The following ANO10 variants were observed in gnomAD, a reference collection of about 807,000 sequenced individuals.
The protein encoded by ANO10 is anoctamin-10.
ANO10 carries 77 observed loss-of-function variants against 74.7 expected under a neutral mutation model. The observed-to-expected ratio is 1.03, with a 90% CI of 0.86 to 1.25. ANO10 has a LOEUF of 1.25. Among genes scored for constraint, ANO10 ranks in the 50% most tolerant of loss-of-function variants. The pLI, the probability that ANO10 is intolerant of heterozygous loss-of-function variation, is 0.00. For synonymous variants in ANO10, 279 were observed against 284.9 expected, an observed-to-expected ratio of 0.98 and a Z score of 0.21; for missense variants, 721 against 778.1, an observed-to-expected ratio of 0.93 and a Z score of 0.87.
Position 43,636,405 on chromosome 3 carries a change from A to G in ANO10, c.-11-30542T>C, listed in dbSNP as rs188018218. On this transcript the variant is annotated intron_variant, in intron 1 of 3. Coordinates refer to the ANO10 transcript ENST00000413397. ...GGAGATGCACACACTGGCAGTTGAC[A>G]TCAGGTTAGCTGGAGAGTCCAGGGA... 6 of 152,384 alleles carry G rather than the reference A, an allele frequency of 3.9e-5. No individual in the cohort carries two copies. The East Asian group carries it at 1.2e-3, about 29-fold the overall frequency. 9.4% of individuals were successfully genotyped at this position (152,384 alleles called of 1,614,324 possible).
At chr3:43,532,975 G>A (rs1336646911) in intron 11 of ANO10, among the ~76,000 whole-genome samples, 1 of 152,150 alleles carries the variant, frequency 6.6e-6, no homozygotes, top group East Asian at 1.9e-4. Context: ...CTGTCTTTGT[G>A]TCCTCTATGG....
intron 11 of ANO10, among the ~76,000 whole-genome samples, chr3:43,478,484 C>CT (rs1169706582): frequency 6.6e-6 from 1 of 152,212 alleles, no homozygotes; most frequent in Non-Finnish European, 1.5e-5. Flanking sequence ...TCTTAGCTGT[C>CT]TGACTCCAGG....
intron 11 of ANO10, among the ~76,000 whole-genome samples, chr3:43,497,361 T>C (rs1382936285): frequency 6.6e-6 from 1 of 152,208 alleles, no homozygotes; most frequent in Admixed American, 6.5e-5. Flanking sequence ...CAAAGAAAAG[T>C]ATCCCCTAGT....
At chr3:43,653,607 T>C (rs2083813161) in intron 1 of ANO10, among the ~76,000 whole-genome samples, 3 of 152,248 alleles carry the variant, frequency 2.0e-5, no homozygotes, top group African/African-American at 7.2e-5. Context: ...CAAAAGAATG[T>C]GTACAAGGTT....
intron 4 of ANO10, among the ~76,000 whole-genome samples, chr3:43,585,561 A>T (rs990764122): frequency 2.0e-5 from 3 of 152,168 alleles, no homozygotes; most frequent in Non-Finnish European, 2.9e-5. Flanking sequence ...CCATTATCCC[A>T]TCTGATCAAA....
chr3:43,658,508 T>C (rs2083883285), intron 1 of ANO10, among the ~76,000 whole-genome samples: 1 of 152,028 alleles, frequency 6.6e-6, no homozygotes. Flanking sequence ...CTCGCACTGT[T>C]GCCCGGGCTG....
At chr3:43,666,714 T>G (rs2083996999) in intron 1 of ANO10, among the ~76,000 whole-genome samples, 1 of 152,118 alleles carries the variant, frequency 6.6e-6, no homozygotes, top group Non-Finnish European at 1.5e-5. Context: ...GGCTGAGAAG[T>G]CTAAGATCAG....
At chr3:43,638,498 A>G (rs2149562452) in intron 1 of ANO10, among the ~76,000 whole-genome samples, 1 of 152,354 alleles carries the variant, frequency 6.6e-6, no homozygotes. Context: ...TGGGATATAG[A>G]TGGGATATTG....
chr3:43,660,213 GC>G (rs1378273229), intron 1 of ANO10, among the ~76,000 whole-genome samples: 1 of 152,056 alleles, frequency 6.6e-6, no homozygotes, highest in Non-Finnish European at 1.5e-5. Context: ...ACAACTCCTC[GC>G]CAGCAAGAGA....
At chr3:43,387,608 G>A (rs573388711) in intron 12 of ANO10, among the ~76,000 whole-genome samples, 3 of 152,082 alleles carry the variant, frequency 2.0e-5, no homozygotes, top group East Asian at 1.9e-4. Context: ...GAAGAGAGAC[G>A]GCAGCTTCTG....
At chr3:43,426,984 C>G (rs1314786131) in intron 12 of ANO10, among the ~76,000 whole-genome samples, 1 of 152,100 alleles carries the variant, frequency 6.6e-6, no homozygotes, top group East Asian at 1.9e-4. Context: ...ACCACCACTC[C>G]TCCTGTCACA....
intron 1 of ANO10, among the ~76,000 whole-genome samples, chr3:43,670,982 A>G (rs1361225848): frequency 6.6e-6 from 1 of 152,200 alleles, no homozygotes; most frequent in Non-Finnish European, 1.5e-5. Context: ...GATATACTCA[A>G]GCAAAGAAAC....
At chr3:43,433,446 C>T (rs1414684363) in intron 11 of ANO10, among the ~76,000 whole-genome samples, 3 of 152,130 alleles carry the variant, frequency 2.0e-5, no homozygotes, top group Non-Finnish European at 4.4e-5. Flanking sequence ...TTACATGAAA[C>T]GTACATGTAT....
At chr3:43,552,640 C>T (rs1259444804) in intron 10 of ANO10, among the ~76,000 whole-genome samples, 2 of 149,046 alleles carry the variant, frequency 1.3e-5, no homozygotes, top group African/African-American at 2.5e-5. Context: ...TCTCTTAGTT[C>T]GCCTGCATCT....
chr3:43,555,424 C>A lies in ANO10; in HGVS notation c.1522G>T (p.Val508Leu), dbSNP rs1294787628. 5.0e-6 allele frequency: 8 copies of A among 1,614,156 alleles called. No homozygotes were observed. Among genetic ancestry groups the A allele is most frequent in the Non-Finnish European group, 6.8e-6 (8 of 1,180,022 alleles). The change falls in exon 10 of 13, where the codon GTG becomes TTG. Residue 508 changes from valine (V) to leucine (L), a missense_variant. Physicochemically the swap from Val to Leu is conservative, Grantham distance 32. Transcript: ENST00000292246. ...GGGTAAACACAGGAGAAAAGGCTCACATAACCAAACTGCAGGAATAACTCC... is the reference window on the plus strand; with the variant it reads ...GGGTAAACACAGGAGAAAAGGCTCAAATAACCAAACTGCAGGAATAACTCC... ...YLELFLQFGY[V>L]SLFSCVYPLA...
chr3:43,542,314 A>G (rs541295622), intron 11 of ANO10, among the ~76,000 whole-genome samples: 1 of 152,312 alleles, frequency 6.6e-6, no homozygotes, highest in African/African-American at 2.4e-5. Context: ...AGGGAGGGCT[A>G]GGCTGAGGCG....
At chr3:43,367,819 G>T (rs1329814286) in intron 12 of ANO10, among the ~76,000 whole-genome samples, 1 of 152,136 alleles carries the variant, frequency 6.6e-6, no homozygotes, top group South Asian at 2.1e-4. Flanking sequence ...TGTGGAAGTT[G>T]GCTTCAAACA....
chr3:43,558,666 T>C (rs1364448781), intron 9 of ANO10, among the ~76,000 whole-genome samples: 1 of 152,176 alleles, frequency 6.6e-6, no homozygotes, highest in African/African-American at 2.4e-5. Flanking sequence ...CAGGATGAGC[T>C]TACAGAAAAT....
chr3:43,572,021 G>A (rs957186386), intron 7 of ANO10, among the ~76,000 whole-genome samples: 4 of 152,078 alleles, frequency 2.6e-5, no homozygotes, highest in Non-Finnish European at 5.9e-5. Flanking sequence ...AAAGGAAGAC[G>A]AGATGGTTTA....
Sources: gnomAD v4.1 joint callset for allele counts (sites outside exome capture counted in the v4.1 genomes callset) on GRCh38, gnomAD v4.1.1 for gene constraint, MANE v1.5 for transcripts, NCBI Gene and HGNC (gene_info 2026-07-23, HGNC 2026-07-21) for gene names.